Variants in RABGAP1 observed in about 807,000 individuals in gnomAD.
The protein encoded by RABGAP1 is RAB GTPase activating protein 1, also known as rab GTPase-activating protein 1.
Under a neutral mutation model 137.6 loss-of-function variants are expected in RABGAP1, and 23 were observed. That is an observed-to-expected ratio of 0.17 (90% CI 0.12 to 0.24). RABGAP1 has a LOEUF of 0.24. Ranked by LOEUF, RABGAP1 falls within the 10% of genes least tolerant of loss-of-function variation. The pLI is 1.00. For synonymous variants in RABGAP1, 451 were observed against 450.7 expected (o/e 1.00, Z -0.01); for missense variants, 906 against 1,275.8 (o/e 0.71, Z 4.42).
At chr9:122,963,737 A>G (rs1834978018) in intron 2 of RABGAP1, among the ~76,000 whole-genome samples, 2 of 132,566 alleles carry the variant, frequency 1.5e-5, no homozygotes, top group South Asian at 5.9e-4. Flanking sequence ...TAAACCTAAA[A>G]CAGTCAGAAG....
At chr9:122,991,567 A>G (rs1836722159) in intron 6 of RABGAP1, among the ~76,000 whole-genome samples, 1 of 149,530 alleles carries the variant, frequency 6.7e-6, no homozygotes, top group South Asian at 2.1e-4. Context: ...ATTGTGCTCT[A>G]TGCTTTCTAA....
intron 4 of RABGAP1, among the ~76,000 whole-genome samples, 169 bp from the exon 5 acceptor site, chr9:122,989,128 A>G (rs564811940): frequency 3.9e-5 from 6 of 152,318 alleles, no homozygotes; most frequent in East Asian, 1.9e-4. Context: ...TACGTAATCA[A>G]TAGCTTCCGG....
At chr9:123,033,789 T>C (rs1198400457) in intron 13 of RABGAP1, 1 of 152,246 alleles carries the variant, frequency 6.6e-6, no homozygotes, top group Non-Finnish European at 1.5e-5. Flanking sequence ...TTGAAATGTT[T>C]TCAAAGAGGC....
chr9:122,993,242 C>T (rs1588231823), intron 6 of RABGAP1, among the ~76,000 whole-genome samples: 1 of 151,992 alleles, frequency 6.6e-6, no homozygotes, highest in African/African-American at 2.4e-5. Context: ...ATGCTCTTCT[C>T]ATTTCTGAAA....
At chr9:123,066,744 A>C (rs991472578) in intron 14 of RABGAP1, among the ~76,000 whole-genome samples, 3 of 152,212 alleles carry the variant, frequency 2.0e-5, no homozygotes, top group African/African-American at 7.2e-5. Flanking sequence ...TCAAGGTCTA[A>C]ATTTCCAGCA....
chr9:123,080,031 G>C (rs374443773), intron 19 of RABGAP1, among the ~76,000 whole-genome samples: 2 of 152,194 alleles, frequency 1.3e-5, no homozygotes, highest in African/African-American at 4.8e-5. Flanking sequence ...ACAAAGAAGA[G>C]TTAACATGGA....
chr9:123,102,968 T>C, intron 25 of RABGAP1, 123 bp from the exon 26 acceptor site: 4 of 1,313,072 alleles, frequency 3.0e-6, no homozygotes, highest in Non-Finnish European at 4.0e-6. Context: ...AGTTGGAGAC[T>C]GGGGGAATTC....
intron 2 of RABGAP1, among the ~76,000 whole-genome samples, chr9:122,979,628 T>C (rs1224393263): frequency 1.3e-5 from 2 of 152,236 alleles, no homozygotes; most frequent in Non-Finnish European, 2.9e-5. Context: ...TTTGAGTTAA[T>C]TTTTTGTATA....
intron 2 of RABGAP1, among the ~76,000 whole-genome samples, chr9:122,982,511 A>C (rs1429595117): frequency 6.6e-6 from 1 of 152,186 alleles, no homozygotes; most frequent in Non-Finnish European, 1.5e-5. Flanking sequence ...TTGCATTCCC[A>C]GTTGTAATTA....
intron 14 of RABGAP1, 144 bp downstream of exon 14, chr9:123,065,605 A>G (rs920973312): frequency 5.9e-6 from 4 of 675,626 alleles, no homozygotes; most frequent in Non-Finnish European, 1.1e-5. Flanking sequence ...GTCAAAGGTG[A>G]GAACACAATT....
At chr9:123,009,871 TA>T (rs1406762534) in intron 10 of RABGAP1, among the ~76,000 whole-genome samples, 2 of 152,208 alleles carry the variant, frequency 1.3e-5, no homozygotes, top group Non-Finnish European at 2.9e-5. Flanking sequence ...GGAGTGGGGA[TA>T]AAACACTGGA....
intron 4 of RABGAP1, among the ~76,000 whole-genome samples, chr9:122,987,328 A>C (rs1836425142): frequency 6.6e-6 from 1 of 152,188 alleles, no homozygotes; most frequent in Admixed American, 6.5e-5. Context: ...TACCAAAGAT[A>C]CATGCTTATT....
intron 19 of RABGAP1, among the ~76,000 whole-genome samples, chr9:123,079,333 G>A (rs1037935641): frequency 1.3e-5 from 2 of 149,234 alleles, no homozygotes; most frequent in African/African-American, 2.5e-5. Context: ...TCCGCCTCCC[G>A]GGTTCAAGTA....
In RABGAP1 at chr9:123,099,327, C is replaced by CT. The variant is rs551298652; in HGVS notation, c.2818-149dup. 2.8e-4 allele frequency: 192 copies of CT among 687,838 alleles called. No homozygotes were observed. The African/African-American group carries it at 3.2e-3, about 11-fold the overall frequency. The allele number at this position is 687,838 out of a possible 1,614,324, so 42.6% of individuals were successfully genotyped here. On this transcript the variant is annotated intron_variant, in intron 23 of 25. Transcript: ENST00000373647. ...GGCGGCATAGCTAGAAGAACCCCTG[C>CT]TTATCCATCGACTTCATATCCCCTC... is the stretch of plus-strand genomic sequence containing the variant.
intron 4 of RABGAP1, 93 bp downstream of exon 4, chr9:122,986,512 A>G (rs1836378778): frequency 7.7e-7 from 1 of 1,306,578 alleles, no homozygotes; most frequent in Non-Finnish European, 1.1e-6. Context: ...ATACATATTA[A>G]TAGTTATTTT....
intron 19 of RABGAP1, among the ~76,000 whole-genome samples, chr9:123,082,660 C>G (rs1411278900): frequency 1.3e-5 from 2 of 152,168 alleles, no homozygotes; most frequent in Non-Finnish European, 2.9e-5. Context: ...CCATAGAATC[C>G]TGCTTAAGGT....
chr9:122,940,865 C>G (rs1414757854), upstream of RABGAP1: 1 of 152,548 alleles, frequency 6.6e-6, no homozygotes. Flanking sequence ...CCAGGTGGGG[C>G]TCGGAGAAGA....
At chr9:123,047,066 C>T (rs2033237874) in intron 13 of RABGAP1, among the ~76,000 whole-genome samples, 1 of 152,086 alleles carries the variant, frequency 6.6e-6, no homozygotes, top group South Asian at 2.1e-4. Flanking sequence ...TTGTCAAGTG[C>T]TTAGAAAATA....
rs748632709 is a variant in RABGAP1, at chr9:123,020,287, T to C, written c.1644-22T>C. On this transcript the variant is annotated intron_variant, in intron 12 of 25. Coordinates refer to ENST00000373647, the MANE Select transcript of RABGAP1 (RefSeq NM_012197.4). ...AATCTTATCTTCCTTTTATGATTTATGGTTTATGGCCTTATTTTTAGGCAT... is the reference window on the plus strand; with the variant it reads ...AATCTTATCTTCCTTTTATGATTTACGGTTTATGGCCTTATTTTTAGGCAT... 7 of 1,467,040 alleles carry C rather than the reference T, an allele frequency of 4.8e-6. No individual in the cohort carries two copies. The Admixed American group carries it at 6.8e-5, about 14-fold the overall frequency. 90.9% of individuals were successfully genotyped at this position (1,467,040 alleles called of 1,614,324 possible).
Sources: allele counts gnomAD v4.1 joint callset (sites outside exome capture counted in the v4.1 genomes callset), GRCh38; gene constraint gnomAD v4.1.1; transcripts MANE v1.5; gene names NCBI Gene and HGNC (gene_info 2026-07-23, HGNC 2026-07-21).